Variants in DNAJC6 observed in about 807,000 individuals in gnomAD.
DNAJC6 encodes the protein DnaJ heat shock protein family (Hsp40) member C6.
In DNAJC6, 34 loss-of-function variants were observed where a neutral mutation model predicts 110.0. That is an observed-to-expected ratio of 0.31 (90% CI 0.24 to 0.41). The LOEUF (loss-of-function observed/expected upper bound fraction) is 0.41, where lower values mean the gene tolerates loss of function less well. Among genes scored for constraint, DNAJC6 ranks in the 10% least tolerant of loss-of-function variants. The pLI is 1.00. For synonymous variants in DNAJC6, 406 were observed against 437.2 expected (o/e 0.93, Z 0.89); for missense variants, 1,031 against 1,207.8 (o/e 0.85, Z 2.17).
At chr1:65,317,097 C>T (rs1047186964) in intron 1 of DNAJC6, among the ~76,000 whole-genome samples, 1 of 151,998 alleles carries the variant, frequency 6.6e-6, no homozygotes, top group Non-Finnish European at 1.5e-5. Flanking sequence ...CATCTTTGGC[C>T]GTCTGCAGTT....
Position 65,401,747 on chromosome 1 carries a change from T to C in DNAJC6, c.2108-14T>C, listed in dbSNP as rs371348872. The C allele has an allele frequency of 2.9e-5, 47 of 1,606,368 alleles. No homozygotes were observed. The African/African-American group carries it at 5.7e-4, about 19-fold the overall frequency. On this transcript the variant is annotated splice_polypyrimidine_tract_variant and intron_variant, in intron 14 of 18. Transcript: ENST00000371069. ...ACAACTAACTCATTTTCAATGACCT[T>C]ATTTCCTTTTCAGGAGGCTTTGGAA...
rs190056018 is a variant in DNAJC6, at chr1:65,278,598, G to T, written c.-131+13666G>T. On this transcript the variant is annotated intron_variant, in intron 1 of 19. Coordinates refer to the DNAJC6 transcript ENST00000263441. ...GAAAATTCCTGGAGCTCAGCACATGGTTTGTTCACGTTTCAGTATGTCTGT... is the reference window on the plus strand; with the variant it reads ...GAAAATTCCTGGAGCTCAGCACATGTTTTGTTCACGTTTCAGTATGTCTGT... 1.3e-4 allele frequency among the ~76,000 whole-genome samples: 20 copies of T among 152,274 alleles called. No individual in the cohort carries two copies. In the East Asian group the frequency reaches 3.7e-3, roughly 28 times the overall value.
At chr1:65,398,954 T>C in intron 14 of DNAJC6, 73 bp downstream of exon 14, 2 of 1,467,894 alleles carry the variant, frequency 1.4e-6, no homozygotes, top group Non-Finnish European at 1.9e-6. Flanking sequence ...ATGAAGTGAG[T>C]ACTCACAGAG....
At chr1:65,281,282 G>A (rs548671874) in intron 1 of DNAJC6, among the ~76,000 whole-genome samples, 1 of 152,230 alleles carries the variant, frequency 6.6e-6, no homozygotes, top group Non-Finnish European at 1.5e-5. Context: ...TTAAAATTGA[G>A]ATATAATTCA....
chr1:65,355,286 A>AAAAAAAAG (rs1645532093), intron 1 of DNAJC6, among the ~76,000 whole-genome samples: 16 of 140,508 alleles, frequency 1.1e-4, no homozygotes, highest in African/African-American at 4.3e-4. Flanking sequence ...AAAAAAAAAA[A>AAAAAAAAG]GAAAAAGATT....
chr1:65,381,755 GAAC>G (rs1201108061), intron 5 of DNAJC6, among the ~76,000 whole-genome samples: 4 of 152,072 alleles, frequency 2.6e-5, no homozygotes, highest in African/African-American at 4.8e-5. Flanking sequence ...TTTGGAATAA[GAAC>G]AACAACAATT....
At chr1:65,314,259 T>A (rs1390887015) in intron 1 of DNAJC6, among the ~76,000 whole-genome samples, 1 of 151,372 alleles carries the variant, frequency 6.6e-6, no homozygotes, top group Non-Finnish European at 1.5e-5. Flanking sequence ...GTAGTGTGAG[T>A]CTGGTTGGAA....
chr1:65,313,929 C>T (rs1003884918), intron 1 of DNAJC6, among the ~76,000 whole-genome samples: 2 of 152,158 alleles, frequency 1.3e-5, no homozygotes, highest in Non-Finnish European at 2.9e-5. Context: ...CTCTTGTGTG[C>T]ACCCCACTTT....
chr1:65,364,377 A>G (rs1645625292), intron 1 of DNAJC6, among the ~76,000 whole-genome samples: 1 of 152,012 alleles, frequency 6.6e-6, no homozygotes, highest in Non-Finnish European at 1.5e-5. Flanking sequence ...ATTGTTACAC[A>G]TGGCTAGTAG....
At chr1:65,404,538 T>C (rs1646057603) in intron 15 of DNAJC6, among the ~76,000 whole-genome samples, 1 of 152,128 alleles carries the variant, frequency 6.6e-6, no homozygotes, top group Non-Finnish European at 1.5e-5. Flanking sequence ...TAGTGGTGAA[T>C]TAGTGTATAT....
intron 17 of DNAJC6, 126 bp from the exon 18 acceptor site, chr1:65,411,123 TG>T: frequency 1.2e-6 from 1 of 847,474 alleles, no homozygotes; most frequent in Non-Finnish European, 1.7e-6. Flanking sequence ...GGAAACAGCC[TG>T]GATCATACAG....
intron 1 of DNAJC6, among the ~76,000 whole-genome samples, chr1:65,319,890 G>A (rs1237860228): frequency 6.6e-6 from 1 of 150,702 alleles, no homozygotes; most frequent in African/African-American, 2.4e-5. Context: ...CTTCTCCTTT[G>A]CCTCTTGTAC....
intron 10 of DNAJC6, 23 bp downstream of exon 10, chr1:65,389,472 G>A: frequency 1.2e-6 from 2 of 1,613,660 alleles, no homozygotes; most frequent in Non-Finnish European, 1.7e-6. Flanking sequence ...TGATGGTTTT[G>A]TTTTTCAGGA....
intron 1 of DNAJC6, among the ~76,000 whole-genome samples, chr1:65,310,942 A>G (rs1645093519): frequency 6.6e-6 from 1 of 152,196 alleles, no homozygotes; most frequent in Admixed American, 6.5e-5. Context: ...TTGAACAGTA[A>G]TGAAATCAAA....
intron 18 of DNAJC6, among the ~76,000 whole-genome samples, chr1:65,412,702 T>C (rs950025539): frequency 6.6e-6 from 1 of 152,224 alleles, no homozygotes; most frequent in African/African-American, 2.4e-5. Flanking sequence ...TGTTGTCTAC[T>C]TCTTGATGGA....
chr1:65,279,071 T>G, intron 1 of DNAJC6: 2 of 985,270 alleles, frequency 2.0e-6, no homozygotes, highest in Non-Finnish European at 2.4e-6. Context: ...CTGCATATGC[T>G]GAGAAAAAGG....
At chr1:65,332,160 A>C (rs528335329) in intron 1 of DNAJC6, among the ~76,000 whole-genome samples, 6 of 152,154 alleles carry the variant, frequency 3.9e-5, no homozygotes, top group Non-Finnish European at 8.8e-5. Context: ...TCTCCTATAA[A>C]TATGGCAGAT....
chr1:65,395,931 C>T (rs746869657), intron 13 of DNAJC6, among the ~76,000 whole-genome samples: 2 of 152,140 alleles, frequency 1.3e-5, no homozygotes, highest in Admixed American at 6.5e-5. Flanking sequence ...TTCCTGATGT[C>T]GAAGTCTATT....
chr1:65,268,246 A>G (rs554975961), intron 1 of DNAJC6, among the ~76,000 whole-genome samples: 2 of 152,312 alleles, frequency 1.3e-5, no homozygotes, highest in South Asian at 2.1e-4. Context: ...TGCCTTTTCC[A>G]TCTTTTTAGT....
Sources: allele counts gnomAD v4.1 joint callset (sites outside exome capture counted in the v4.1 genomes callset), GRCh38; gene constraint gnomAD v4.1.1; transcripts MANE v1.5; gene names NCBI Gene and HGNC (gene_info 2026-07-23, HGNC 2026-07-21).